The following KIRREL2 variants were observed in gnomAD, a reference collection of about 807,000 sequenced individuals.
KIRREL2 encodes kin of IRRE-like protein 2.
Under a neutral mutation model 73.4 loss-of-function variants are expected in KIRREL2, and 56 were observed. That is an observed-to-expected ratio of 0.76 (90% CI 0.62 to 0.95). KIRREL2 has a LOEUF of 0.95. KIRREL2 is among the 40% of genes least tolerant of loss of function. KIRREL2 has a pLI of 0.00. For missense variants in KIRREL2, 896 were observed against 935.0 expected (o/e 0.96, Z 0.54); for synonymous variants, 407 against 404.0 (o/e 1.01, Z -0.09).
upstream of KIRREL2, chr19:35,851,849 C>T (rs997617828): frequency 1.3e-6 from 2 of 1,550,166 alleles, no homozygotes; most frequent in Non-Finnish European, 1.7e-6. Context: ...ACAGGTCCCC[C>T]TACTGTGACC....
Position 35,866,908 on chromosome 19 carries a change from AC to A in KIRREL2, c.*419del. The A allele has an allele frequency of 4.7e-6, 1 of 214,374 alleles. No homozygotes were observed. Among genetic ancestry groups the A allele is most frequent in the Non-Finnish European group, 9.0e-6 (1 of 110,742 alleles). The allele number at this position is 214,374 out of a possible 1,614,324, so 13.3% of individuals were successfully genotyped here. A position where few individuals can be genotyped will look rare whatever the true frequency, so the allele number is the denominator to read the frequency against. Reference sequence around the variant, plus strand: ...GAAGATGAAGAGCATACCAGGCCCCACCCTGGCTCTCCCTGAGGGGAACTTT... The same window carrying A: ...GAAGATGAAGAGCATACCAGGCCCCACCTGGCTCTCCCTGAGGGGAACTTT... On this transcript the variant is annotated 3_prime_UTR_variant, in exon 15 of 15. Transcript: ENST00000360202.
In KIRREL2 at chr19:35,857,195, G is replaced by A. The variant is rs1568461024; in HGVS notation, c.61+15G>A. On this transcript the variant is annotated intron_variant, in intron 1 of 14. Transcript: ENST00000360202. ...AGGGAGAGCAGGTACCGCACGAGGG[G>A]AGCGGAGGAATATGGGGTGGGGGTG... is the stretch of plus-strand genomic sequence containing the variant. 1 of 1,607,746 alleles carries A rather than the reference G, an allele frequency of 6.2e-7. No homozygotes were observed. The highest frequency in any genetic ancestry group is 8.5e-7 in the Non-Finnish European group (1 of 1,175,370).
chr19:35,851,675 G>C, upstream of KIRREL2: 1 of 1,611,620 alleles, frequency 6.2e-7, no homozygotes, highest in East Asian at 2.2e-5. Flanking sequence ...CGCCAGGCCT[G>C]AGGACACAGC....
In KIRREL2 at chr19:35,859,505, G is replaced by A; in HGVS notation, c.547G>A (p.Gly183Arg). The A allele has an allele frequency of 5.0e-6, 8 of 1,614,104 alleles. No homozygotes were observed. The highest frequency in any genetic ancestry group is 6.8e-6 in the Non-Finnish European group (8 of 1,179,978). ...HQTLLKEGTP[G>R]SVESTLTLTP... ...GACCCTGCTGAAGGAAGGGACCCCT[G>A]GGTCAGTGGAGAGCACCTTAACCCT... is the stretch of plus-strand genomic sequence containing the variant. The change falls in exon 5 of 15, where the codon GGG becomes AGG. Residue 183 changes from glycine (G) to arginine (R), a missense_variant. Gly to Arg is a moderately radical substitution (Grantham distance 125, BLOSUM62 -2). Coordinates refer to ENST00000360202, the MANE Select transcript of KIRREL2 (RefSeq NM_199180.4).
upstream of KIRREL2, among the ~76,000 whole-genome samples, chr19:35,852,536 G>A (rs1973296300): frequency 6.6e-6 from 1 of 152,086 alleles, no homozygotes; most frequent in East Asian, 1.9e-4. Context: ...ACCTTCCAGA[G>A]CCCCCAGCTC....
chr19:35,861,882 G>A lies in KIRREL2; in HGVS notation c.1368G>A (p.Glu456=), dbSNP rs1272103730. Residue 456 remains glutamate, a synonymous_variant, in exon 11 of 15, where the codon GAG becomes GAA. Coordinates refer to ENST00000360202, the MANE Select transcript of KIRREL2 (RefSeq NM_199180.4). ...TGGTGGAGACATTCCCTGCCCCAGA[G>A]AGCCGCGGGGGACTGGGTCCGGGCC... ...RFLVETFPAP[E]SRGGLGPGLI... 34 of 1,598,672 alleles carry A rather than the reference G, an allele frequency of 2.1e-5. No individual in the cohort carries two copies. The highest frequency in any genetic ancestry group is 2.8e-5 in the Non-Finnish European group (33 of 1,173,116).
Position 35,862,547 on chromosome 19 carries a change from T to C in KIRREL2, c.1565T>C (p.Leu522Pro). 1 of 1,610,418 alleles carries C rather than the reference T, an allele frequency of 6.2e-7. No individual in the cohort carries two copies. Among genetic ancestry groups the C allele is most frequent in the South Asian group, 1.1e-5 (1 of 91,080 alleles). The change falls in exon 12 of 15, where the codon CTC becomes CCC. Residue 522 changes from leucine to proline, a missense_variant. Transcript: ENST00000360202. Reference sequence around the variant, plus strand: ...GGAGTGGCCGCTGCCACCACAACTCTCCTTATGGTCATCACTGGGGTGGCC... The same window carrying C: ...GGAGTGGCCGCTGCCACCACAACTCCCCTTATGGTCATCACTGGGGTGGCC... ...VAGVAAATTTLLMVITGVALC... is the reference protein window; with the variant it reads ...VAGVAAATTTPLMVITGVALC...
intron 2 of KIRREL2, among the ~76,000 whole-genome samples, chr19:35,857,744 G>A (rs1192904398): frequency 6.6e-6 from 1 of 152,142 alleles, no homozygotes; most frequent in African/African-American, 2.4e-5. Context: ...AACGCTTTGG[G>A]AGGTTGAGGC....
chr19:35,860,252 G>T (rs1199600936), intron 5 of KIRREL2, 45 bp from the exon 6 acceptor site: 1 of 1,518,004 alleles, frequency 6.6e-7, no homozygotes. Flanking sequence ...AGTGACGGAG[G>T]TGTTCCTGGT....
rs780560504 is a variant in KIRREL2, at chr19:35,858,832, G to A, written c.490G>A (p.Gly164Arg). 6.2e-7 allele frequency: 1 copy of A among 1,614,178 alleles called. No homozygotes were observed. The highest frequency in any genetic ancestry group is 8.5e-7 in the Non-Finnish European group (1 of 1,180,038). ...CCCTGAATTGCTGTGGTTCCGAGAT[G>A]GGGTCCTGTTGGATGGAGCCACCTT... ...PTPELLWFRD[G>R]VLLDGATFHQ... The change falls in exon 4 of 15, where the codon GGG becomes AGG. Residue 164 changes from glycine (G) to arginine (R), a missense_variant. Gly to Arg is a moderately radical substitution (Grantham distance 125). Coordinates refer to ENST00000360202, the MANE Select transcript of KIRREL2 (RefSeq NM_199180.4).
In KIRREL2 at chr19:35,862,506, T is replaced by A; in HGVS notation, c.1524T>A (p.Thr508=). 1 of 1,609,936 alleles carries A rather than the reference T, an allele frequency of 6.2e-7. No homozygotes were observed. Among genetic ancestry groups the A allele is most frequent in the South Asian group, 1.1e-5 (1 of 91,084 alleles). The change falls in exon 12 of 15, where the codon ACT becomes ACA. Residue 508 remains threonine (T), a synonymous_variant. Transcript: ENST00000360202. ...ASLGRRDLLP[T]VRIVAGVAAA... ...TGCTCCCTGCAGACTTGCTGCCCACTGTGCGGATAGTGGCCGGAGTGGCCG... is the reference window on the plus strand; with the variant it reads ...TGCTCCCTGCAGACTTGCTGCCCACAGTGCGGATAGTGGCCGGAGTGGCCG...
intron 13 of KIRREL2, among the ~76,000 whole-genome samples, 197 bp from the exon 14 acceptor site, chr19:35,864,451 A>G (rs947583301): frequency 2.0e-5 from 3 of 151,976 alleles, no homozygotes; most frequent in African/African-American, 4.8e-5. Flanking sequence ...CGGCCTCCCA[A>G]AGTGCTGGGA....
In KIRREL2 at chr19:35,857,130, T is replaced by C; in HGVS notation, c.11T>C (p.Met4Thr). ...AACCTTGGGGGACGAATGCTCAGGATGCGGGTCCCCGCCCTCCTCGTCCTC... is the reference window on the plus strand; with the variant it reads ...AACCTTGGGGGACGAATGCTCAGGACGCGGGTCCCCGCCCTCCTCGTCCTC... The part of the protein sequence containing the change: MLR[M>T]RVPALLVLLF... Residue 4 changes from methionine to threonine, a missense_variant, in exon 1 of 15, where the codon ATG becomes ACG. By Grantham distance (81) the Met-to-Thr change is moderately conservative (BLOSUM62 -1). Transcript: ENST00000360202. The C allele has an allele frequency of 6.2e-7, 1 of 1,605,164 alleles. No homozygotes were observed. Among genetic ancestry groups the C allele is most frequent in the South Asian group, 1.1e-5 (1 of 90,846 alleles).
chr19:35,862,921 T>G lies in KIRREL2; in HGVS notation c.1616-6T>G, dbSNP rs756214299. 6 of 1,549,602 alleles carry G rather than the reference T, an allele frequency of 3.9e-6. No homozygotes were observed. Among genetic ancestry groups the G allele is most frequent in the South Asian group, 2.4e-5 (2 of 84,444 alleles). ...TCGCTTAACTCCACCGGTCGCTGTT[T>G]GTCAGCCTCAGCCTCTTTCTCCGAG... On this transcript the variant is annotated splice_region_variant and splice_polypyrimidine_tract_variant and intron_variant, in intron 12 of 14. Transcript: ENST00000360202.
chr19:35,856,000 C>T (rs1973409463), upstream of KIRREL2: 1 of 152,366 alleles, frequency 6.6e-6, no homozygotes, highest in African/African-American at 2.4e-5. Context: ...CCCACTCCCC[C>T]ATTTAGGGAC....
upstream of KIRREL2, among the ~76,000 whole-genome samples, chr19:35,853,037 C>G (rs938978112): frequency 6.6e-6 from 1 of 152,134 alleles, no homozygotes; most frequent in African/African-American, 2.4e-5. Context: ...TCAGGTGATC[C>G]ATCTGCCTCA....
At chr19:35,854,926 T>C (rs1030876492), upstream of KIRREL2, among the ~76,000 whole-genome samples, 2 of 152,160 alleles carry the variant, frequency 1.3e-5, no homozygotes, top group African/African-American at 4.8e-5. Context: ...AACCATATGC[T>C]GGTGGGCCTG....
At chr19:35,863,442 T>TTTTTA (rs773425855) in intron 13 of KIRREL2, among the ~76,000 whole-genome samples, 1 of 147,540 alleles carries the variant, frequency 6.8e-6, no homozygotes, top group African/African-American at 2.6e-5. Context: ...TTTTTTTTTT[T>TTTTTA]ATGTAGGAGG....
At chr19:35,851,445 C>T, upstream of KIRREL2, 1 of 1,613,252 alleles carries the variant, frequency 6.2e-7, no homozygotes, top group Non-Finnish European at 8.5e-7. Context: ...GTCTCAGGCT[C>T]TGATCCCTTA....
Sources: allele counts gnomAD v4.1 joint callset (sites outside exome capture counted in the v4.1 genomes callset), GRCh38; gene constraint gnomAD v4.1.1; transcripts MANE v1.5; gene names NCBI Gene and HGNC (gene_info 2026-07-23, HGNC 2026-07-21).